The following TNFRSF8 variants were observed in gnomAD, a reference collection of about 807,000 sequenced individuals.
The protein encoded by TNFRSF8 is TNF receptor superfamily member 8.
A neutral mutation model predicts 70.8 loss-of-function variants in TNFRSF8; 26 were observed. That is an observed-to-expected ratio of 0.37 (90% CI 0.27 to 0.51). The LOEUF (loss-of-function observed/expected upper bound fraction) is 0.51, where lower values mean the gene tolerates loss of function less well. Ranked by LOEUF, TNFRSF8 falls within the 20% of genes least tolerant of loss-of-function variation. TNFRSF8 has a pLI of 0.94. For missense variants in TNFRSF8, 720 were observed against 807.9 expected, an observed-to-expected ratio of 0.89 and a Z score of 1.32; for synonymous variants, 356 against 339.2, an observed-to-expected ratio of 1.05 and a Z score of -0.54.
At position 12,140,234 on chromosome 1, in the gene TNFRSF8, C is replaced by T. The variant is rs143503425; in HGVS notation, c.1543+1798C>T. ...TTGCTGGTGAGTGGATCGGGGGCCA[C>T]CTCCGCCATGGTGGAAAGGGAAGGC... On this transcript the variant is annotated intron_variant, in intron 14 of 14. Transcript: ENST00000263932. Among the ~76,000 whole-genome samples, 278 of 152,254 alleles carry T rather than the reference C, an allele frequency of 1.8e-3. 1 individual carries two copies. Among genetic ancestry groups the T allele is most frequent in the African/African-American group, 6.4e-3 (264 of 41,548 alleles).
intron 8 of TNFRSF8, among the ~76,000 whole-genome samples, chr1:12,117,007 A>G (rs1300007387): frequency 6.6e-6 from 1 of 152,150 alleles, no homozygotes; most frequent in Admixed American, 6.5e-5. Flanking sequence ...TTCAAAATGT[A>G]TTACAATGGC....
intron 12 of TNFRSF8, among the ~76,000 whole-genome samples, chr1:12,131,239 C>T (rs1418392911): frequency 6.6e-6 from 1 of 152,048 alleles, no homozygotes; most frequent in Non-Finnish European, 1.5e-5. Flanking sequence ...CACCTGAGGT[C>T]GAGAGTTCAA....
chr1:12,070,721 G>A (rs2100944581), intron 1 of TNFRSF8, among the ~76,000 whole-genome samples: 1 of 152,340 alleles, frequency 6.6e-6, no homozygotes, highest in East Asian at 1.9e-4. Context: ...CCGTATTTGG[G>A]AGCTCAGAAT....
Position 12,063,383 on chromosome 1 carries a change from G to C in TNFRSF8, c.-216G>C, listed in dbSNP as rs1024318688. On this transcript the variant is annotated 5_prime_UTR_variant, in exon 1 of 15. Coordinates refer to ENST00000263932, the MANE Select transcript of TNFRSF8 (RefSeq NM_001243.5). This position sits in a 1 kb window ranked among gnomAD's most constrained non-coding sequence, Gnocchi z 7.2. ...TGTTCCTGGAACCAATTTGATACGG[G>C]AGAACTAAGGCTGAAACCTCGGAGG... 11 of 396,392 alleles carry C rather than the reference G, an allele frequency of 2.8e-5. No individual in the cohort carries two copies. Among genetic ancestry groups the C allele is most frequent in the Non-Finnish European group, 3.1e-5 (7 of 225,984 alleles). The allele number at this position is 396,392 out of a possible 1,614,324, so 24.6% of individuals were successfully genotyped here. A position where few individuals can be genotyped will look rare whatever the true frequency, so the allele number is the denominator to read the frequency against.
chr1:12,116,935 G>A (rs901345157), intron 8 of TNFRSF8, among the ~76,000 whole-genome samples: 7 of 152,042 alleles, frequency 4.6e-5, no homozygotes, highest in African/African-American at 9.7e-5. Flanking sequence ...GATGAAGAGC[G>A]GGAGGGAAGT....
At position 12,088,415 on chromosome 1, in the gene TNFRSF8, C is replaced by T. The variant is rs1017411688; in HGVS notation, c.151+3864C>T. Among the ~76,000 whole-genome samples the T allele has an allele frequency of 2.6e-5, 4 of 152,158 alleles. No individual in the cohort carries two copies. The highest frequency in any genetic ancestry group is 9.7e-5 in the African/African-American group (4 of 41,432). On this transcript the variant is annotated intron_variant, in intron 2 of 14. Coordinates refer to ENST00000263932, the MANE Select transcript of TNFRSF8 (RefSeq NM_001243.5). This position sits in a 1 kb window ranked among gnomAD's most constrained non-coding sequence, Gnocchi z 4.0. ...AATTTGCACAAGGCCACATGCGTATCAGTGGCTCAGCCGGGCCGTGAACAT... is the reference window on the plus strand; with the variant it reads ...AATTTGCACAAGGCCACATGCGTATTAGTGGCTCAGCCGGGCCGTGAACAT...
chr1:12,102,601 C>G (rs1249080122), intron 3 of TNFRSF8, among the ~76,000 whole-genome samples: 2 of 152,342 alleles, frequency 1.3e-5, no homozygotes, highest in South Asian at 4.1e-4. Context: ...TCTCAACTCA[C>G]TGCAACCTCC....
intron 1 of TNFRSF8, among the ~76,000 whole-genome samples, chr1:12,064,983 C>CTCCACTTT (rs1260606362): frequency 6.6e-6 from 1 of 151,786 alleles, no homozygotes; most frequent in East Asian, 1.9e-4. Flanking sequence ...GTGAAGCCCC[C>CTCCACTTT]TCCACTTTTT....
rs190201473 is a variant in TNFRSF8, at chr1:12,074,171, C to T, written c.64-10293C>T. On this transcript the variant is annotated intron_variant, in intron 1 of 14. Transcript: ENST00000263932. ...GACTCAAGGCGTGATCTTGCTAAAA[C>T]GGACTCGCTCTCCTCCATCCTGTCC... Among the ~76,000 whole-genome samples, 1,284 of 148,250 alleles carry T rather than the reference C, an allele frequency of 8.7e-3. 14 individuals are homozygous for T. Among genetic ancestry groups the T allele is most frequent in the East Asian group, 0.017 (87 of 5,170 alleles).
Position 12,094,229 on chromosome 1 carries a change from G to T in TNFRSF8, c.152-2872G>T, listed in dbSNP as rs74052997. Among the ~76,000 whole-genome samples, 869 of 152,300 alleles carry T rather than the reference G, an allele frequency of 5.7e-3. 11 individuals carry two copies. Among genetic ancestry groups the T allele is most frequent in the African/African-American group, 0.02 (843 of 41,552 alleles). ...GATTACAACAGTTAGGTGTTGAAGG[G>T]CAAGGAAATGAGTCTTTGTTTTTAT... On this transcript the variant is annotated intron_variant, in intron 2 of 14. Transcript: ENST00000263932.
At chr1:12,074,573 C>CAGTT (rs1307465629) in intron 1 of TNFRSF8, among the ~76,000 whole-genome samples, 1 of 152,176 alleles carries the variant, frequency 6.6e-6, no homozygotes, top group Non-Finnish European at 1.5e-5. Context: ...AGCCACCAGG[C>CAGTT]CCGGCCTCAA....
At chr1:12,102,823 G>A (rs1482091151) in intron 3 of TNFRSF8, among the ~76,000 whole-genome samples, 2 of 150,048 alleles carry the variant, frequency 1.3e-5, no homozygotes, top group Non-Finnish European at 3.0e-5. Context: ...ACCACTCCCC[G>A]CCTAGCTGTA....
intron 12 of TNFRSF8, among the ~76,000 whole-genome samples, chr1:12,131,605 T>C (rs1012541125): frequency 6.6e-6 from 1 of 152,134 alleles, no homozygotes; most frequent in African/African-American, 2.4e-5. Context: ...GTTCAAGTGA[T>C]CCCTCAGCCT....
chr1:12,124,562 G>A (rs1641895978), intron 10 of TNFRSF8, among the ~76,000 whole-genome samples: 2 of 152,138 alleles, frequency 1.3e-5, no homozygotes, highest in African/African-American at 2.4e-5. Context: ...GGTGGCTCAC[G>A]CCTGTAATCC....
intron 10 of TNFRSF8, among the ~76,000 whole-genome samples, chr1:12,124,869 AAAACAAAAC>A (rs1184904597): frequency 3.9e-4 from 56 of 145,302 alleles, no homozygotes; most frequent in South Asian, 2.8e-3. Flanking sequence ...AAAACAAAAC[AAAACAAAAC>A]AAACAAAACC....
At chr1:12,103,929 T>C (rs954302709) in intron 3 of TNFRSF8, among the ~76,000 whole-genome samples, 37 of 152,220 alleles carry the variant, frequency 2.4e-4, no homozygotes, top group Non-Finnish European at 4.6e-4. Flanking sequence ...TTCTAGGGCT[T>C]TAGACAAACG....
intron 12 of TNFRSF8, among the ~76,000 whole-genome samples, chr1:12,129,454 AT>A (rs1384849492): frequency 6.6e-6 from 1 of 152,126 alleles, no homozygotes; most frequent in Non-Finnish European, 1.5e-5. Context: ...AAGTTTCTTT[AT>A]TTGTCCCAAT....
intron 3 of TNFRSF8, among the ~76,000 whole-genome samples, chr1:12,103,235 G>GCACA (rs1641454949): frequency 6.6e-6 from 1 of 151,858 alleles, no homozygotes; most frequent in African/African-American, 2.4e-5. Flanking sequence ...GTGGTGGTGT[G>GCACA]TGCCTGTAAT....
intron 3 of TNFRSF8, among the ~76,000 whole-genome samples, chr1:12,097,838 G>A (rs1238267649): frequency 6.6e-6 from 1 of 151,948 alleles, no homozygotes; most frequent in African/African-American, 2.4e-5. Context: ...TCAGTGTATG[G>A]GTGTTTTAAA....
Sources: gnomAD v4.1 joint callset for allele counts (sites outside exome capture counted in the v4.1 genomes callset) on GRCh38, gnomAD v4.1.1 for gene constraint, Gnocchi (gnomAD v3.1) non-coding constraint, MANE v1.5 for transcripts, NCBI Gene and HGNC (gene_info 2026-07-23, HGNC 2026-07-21) for gene names.